Variants in ARHGEF7 observed in about 807,000 individuals in gnomAD.
The protein encoded by ARHGEF7 is Rho guanine nucleotide exchange factor 7, also known as PAK-interacting exchange factor beta.
ARHGEF7 carries 33 observed loss-of-function variants against 109.8 expected under a neutral mutation model. The observed-to-expected ratio is 0.30, with a 90% CI of 0.23 to 0.40. The LOEUF (loss-of-function observed/expected upper bound fraction) is 0.40, where lower values mean the gene tolerates loss of function less well. ARHGEF7 is among the 10% of genes least tolerant of loss of function. The pLI, the probability that ARHGEF7 is intolerant of heterozygous loss-of-function variation, is 1.00. For synonymous variants in ARHGEF7, 458 were observed against 424.6 expected (o/e 1.08, Z -0.97); for missense variants, 938 against 1,098.5 (o/e 0.85, Z 2.07).
At chr13:111,181,139 T>C (rs2078692180) in intron 2 of ARHGEF7, among the ~76,000 whole-genome samples, 1 of 152,244 alleles carries the variant, frequency 6.6e-6, no homozygotes, top group African/African-American at 2.4e-5. Flanking sequence ...CTTCAACAAC[T>C]TTATGGATTC....
intron 6 of ARHGEF7, among the ~76,000 whole-genome samples, chr13:111,240,292 A>G (rs1448288462): frequency 6.6e-6 from 1 of 152,222 alleles, no homozygotes; most frequent in African/African-American, 2.4e-5. Context: ...AGACCTGTGA[A>G]TCTCCAAATT....
At chr13:111,256,330 G>A (rs905641936) in intron 8 of ARHGEF7, among the ~76,000 whole-genome samples, 2 of 152,164 alleles carry the variant, frequency 1.3e-5, no homozygotes, top group African/African-American at 2.4e-5. Flanking sequence ...AACTGCGGGC[G>A]CTTTGATGTT....
intron 8 of ARHGEF7, among the ~76,000 whole-genome samples, chr13:111,254,473 G>A (rs2090189946): frequency 7.0e-6 from 1 of 142,648 alleles, no homozygotes; most frequent in African/African-American, 2.7e-5. Context: ...TCGCTAACAT[G>A]AAGGCCGGCC....
At chr13:111,209,321 T>C (rs538843781) in intron 3 of ARHGEF7, 1 of 152,508 alleles carries the variant, frequency 6.6e-6, no homozygotes, top group East Asian at 1.9e-4. Context: ...GTCTGTTTAC[T>C]TTGATTCTGT....
chr13:111,183,668 C>G (rs1341104753), intron 2 of ARHGEF7, among the ~76,000 whole-genome samples: 2 of 152,176 alleles, frequency 1.3e-5, no homozygotes, highest in Non-Finnish European at 1.5e-5. Context: ...TCCATTTCTT[C>G]TCTTCCCCAT....
chr13:111,300,041 C>A (rs1210522872), intron 19 of ARHGEF7, among the ~76,000 whole-genome samples: 2 of 152,278 alleles, frequency 1.3e-5, no homozygotes, highest in Admixed American at 1.3e-4. Context: ...CAATTTGATT[C>A]TCTTCCTCAC....
At chr13:111,146,276 T>A (rs1053469542) in intron 1 of ARHGEF7, among the ~76,000 whole-genome samples, 1 of 152,250 alleles carries the variant, frequency 6.6e-6, no homozygotes, top group Non-Finnish European at 1.5e-5. Context: ...CTAAGTATGG[T>A]CCTGATACCA....
intron 2 of ARHGEF7, among the ~76,000 whole-genome samples, chr13:111,185,902 G>T (rs2079194691): frequency 6.6e-6 from 1 of 151,844 alleles, no homozygotes; most frequent in Non-Finnish European, 1.5e-5. Context: ...AAGCCAGGCT[G>T]GTGGGCTCCG....
At chr13:111,269,319 A>AT (rs145168919) in intron 9 of ARHGEF7, among the ~76,000 whole-genome samples, 6,840 of 152,318 alleles carry the variant, frequency 0.045, 499 homozygotes, top group African/African-American at 0.16. Flanking sequence ...TGATGGAGTC[A>AT]TGAGGAAGAT....
intron 1 of ARHGEF7, among the ~76,000 whole-genome samples, chr13:111,124,507 G>A (rs2067426016): frequency 6.6e-6 from 1 of 152,192 alleles, no homozygotes; most frequent in Non-Finnish European, 1.5e-5. Context: ...GGCCTCTTTG[G>A]TTCACTTTTC....
intron 2 of ARHGEF7, among the ~76,000 whole-genome samples, chr13:111,155,696 G>C (rs2076262633): frequency 6.6e-6 from 1 of 152,050 alleles, no homozygotes; most frequent in African/African-American, 2.4e-5. Flanking sequence ...ACTGAGTTTT[G>C]TTTACGTTAA....
intron 8 of ARHGEF7, among the ~76,000 whole-genome samples, chr13:111,246,512 G>A (rs557319058): frequency 3.6e-4 from 54 of 152,104 alleles, no homozygotes; most frequent in Non-Finnish European, 6.5e-4. Context: ...CTGGACTATC[G>A]ATATGGCAAG....
rs755051190 is a variant in ARHGEF7 at position 111,305,595 on chromosome 13, C to G, written c.*2482C>G. On this transcript the variant is annotated 3_prime_UTR_variant, in exon 22 of 22. Coordinates refer to ENST00000646102, the MANE Select transcript of ARHGEF7 (RefSeq NM_001354046.2). ...TAATGCCAATCATTTCTTCACTTCT[C>G]TGGGACACCCAGGGCGCCTGTTGAC... The G allele has an allele frequency of 6.6e-6, 1 of 152,254 alleles. No homozygotes were observed. Among genetic ancestry groups the G allele is most frequent in the African/African-American group, 2.4e-5 (1 of 41,458 alleles). 9.4% of individuals were successfully genotyped at this position (152,254 alleles called of 1,614,324 possible). A position where few individuals can be genotyped will look rare whatever the true frequency, so the allele number is the denominator to read the frequency against.
intron 5 of ARHGEF7, among the ~76,000 whole-genome samples, chr13:111,222,820 A>G (rs1340140248): frequency 2.6e-5 from 4 of 152,234 alleles, no homozygotes; most frequent in African/African-American, 4.8e-5. Context: ...AAACTCTAGG[A>G]TCACAATTAC....
intron 5 of ARHGEF7, among the ~76,000 whole-genome samples, chr13:111,218,285 C>G (rs181806523): frequency 1.3e-5 from 2 of 151,838 alleles, no homozygotes; most frequent in African/African-American, 4.8e-5. Flanking sequence ...GAAGTAATTT[C>G]TGTCATTCTC....
chr13:111,285,573 A>G (rs1377482465), intron 16 of ARHGEF7, among the ~76,000 whole-genome samples: 3 of 152,186 alleles, frequency 2.0e-5, no homozygotes, highest in Non-Finnish European at 2.9e-5. Flanking sequence ...GCTGGTGTGC[A>G]TGTGGCCCCT....
At chr13:111,237,350 T>A (rs2086973527) in intron 6 of ARHGEF7, among the ~76,000 whole-genome samples, 2 of 152,172 alleles carry the variant, frequency 1.3e-5, no homozygotes, top group Non-Finnish European at 2.9e-5. Context: ...AAACTCACCA[T>A]AAAAATTTTA....
intron 8 of ARHGEF7, among the ~76,000 whole-genome samples, chr13:111,264,993 G>A (rs1226460145): frequency 3.3e-5 from 5 of 152,148 alleles, no homozygotes; most frequent in African/African-American, 1.2e-4. Flanking sequence ...GCATGGTGGT[G>A]CATGCCTGTA....
chr13:111,277,817 C>G, intron 13 of ARHGEF7, 144 bp downstream of exon 13: 1 of 576,396 alleles, frequency 1.7e-6, no homozygotes, highest in Non-Finnish European at 3.0e-6. Context: ...GGACGTACAG[C>G]TCCTGTTTGT....
Sources: gnomAD v4.1 joint callset for allele counts (sites outside exome capture counted in the v4.1 genomes callset) on GRCh38, gnomAD v4.1.1 for gene constraint, MANE v1.5 for transcripts, NCBI Gene and HGNC (gene_info 2026-07-23, HGNC 2026-07-21) for gene names.